COL6A2: variants seen among roughly 807,000 people sequenced by gnomAD.
COL6A2 encodes collagen type VI alpha 2 chain, also known as collagen alpha-2(VI) chain.
In COL6A2, 90 loss-of-function variants were observed where a neutral mutation model predicts 124.9. The ratio of observed to expected loss-of-function variants is 0.72; its 90% CI spans 0.61 to 0.86. The LOEUF is 0.86. COL6A2 is among the 40% of genes least tolerant of loss of function. COL6A2 has a pLI of 0.00. For synonymous variants in COL6A2, 793 were observed against 618.2 expected (o/e 1.28, Z -4.19); for missense variants, 1,607 against 1,502.5 (o/e 1.07, Z -1.15).
At chr21:46,130,532 A>G (rs1207839325) in intron 27 of COL6A2, among the ~76,000 whole-genome samples, 1 of 151,994 alleles carries the variant, frequency 6.6e-6, no homozygotes, top group Non-Finnish European at 1.5e-5. Flanking sequence ...GTGGGGATGA[A>G]GGATCCTCCA....
chr21:46,113,439 C>T (rs1040234255), intron 4 of COL6A2, among the ~76,000 whole-genome samples: 29 of 151,702 alleles, frequency 1.9e-4, no homozygotes, highest in African/African-American at 5.8e-4. Context: ...TGCAGTGGTA[C>T]GATCACGGCT....
chr21:46,125,649 G>A (rs754343812), intron 25 of COL6A2, 32 bp downstream of exon 25: 47 of 1,602,780 alleles, frequency 2.9e-5, no homozygotes, highest in East Asian at 1.1e-4. Flanking sequence ...GCAGCATTGC[G>A]GGGGGCCGGG....
In COL6A2 at chr21:46,132,518, G is replaced by T. The variant is rs1157175258; in HGVS notation, c.3026G>T (p.Gly1009Val). 2.0e-5 allele frequency: 32 copies of T among 1,606,240 alleles called. No individual in the cohort carries two copies. The highest frequency in any genetic ancestry group is 5.0e-5 in the Admixed American group (3 of 59,914). ...GACTATGACAGCCTGGCGCAACCCGGCTTCTTCGACCGCTTCATCCGCTGG... is the reference window on the plus strand; with the variant it reads ...GACTATGACAGCCTGGCGCAACCCGTCTTCTTCGACCGCTTCATCCGCTGG... ...EKDYDSLAQP[G>V]FFDRFIRWIC The change falls in exon 28 of 28, where the codon GGC becomes GTC. Residue 1009 changes from glycine to valine, a missense_variant. Physicochemically the swap from Gly to Val is moderately radical, Grantham distance 109 (BLOSUM62 -3). This residue lies in a region of COL6A2 where 1,223 missense variants were observed against 1,052.2 expected (regional missense o/e 1.16). Coordinates refer to ENST00000300527, the MANE Select transcript of COL6A2 (RefSeq NM_001849.4).
Position 46,116,528 on chromosome 21 carries a change from TTGGGGGCTCC to T in COL6A2, c.928-116_928-107del. ...GCCTGGTCTTTTCTCAGTGGTGGCT[TTGGGGGCTCC>T]TGGGGGGTCCTGTGGCCTTGAGTTT... On this transcript the variant is annotated intron_variant, in intron 8 of 27. Transcript: ENST00000300527. This position sits in a 1 kb window ranked among gnomAD's most constrained non-coding sequence, Gnocchi z 4.6. 10 of 1,576,782 alleles carry T rather than the reference TTGGGGGCTCC, an allele frequency of 6.3e-6. No individual in the cohort carries two copies. Among genetic ancestry groups the T allele is most frequent in the Non-Finnish European group, 8.7e-6 (10 of 1,151,480 alleles).
chr21:46,118,419 C>A (rs1048874176), intron 12 of COL6A2, among the ~76,000 whole-genome samples, 195 bp from the exon 13 acceptor site: 1 of 152,202 alleles, frequency 6.6e-6, no homozygotes, highest in Admixed American at 6.5e-5. Flanking sequence ...GCGTCCTGCC[C>A]GTGACACACA....
chr21:46,126,966 G>A (rs572477064), intron 27 of COL6A2, among the ~76,000 whole-genome samples: 1 of 152,250 alleles, frequency 6.6e-6, no homozygotes, highest in East Asian at 1.9e-4. Context: ...AGCACCAGCA[G>A]GTCTTGCTCC....
At chr21:46,130,179 A>C (rs182567837) in intron 27 of COL6A2, among the ~76,000 whole-genome samples, 40 of 152,288 alleles carry the variant, frequency 2.6e-4, no homozygotes, top group Non-Finnish European at 4.9e-4. Flanking sequence ...CAGTAGGGCG[A>C]ATGGCCACAG....
chr21:46,127,717 G>GCTAT, intron 27 of COL6A2, among the ~76,000 whole-genome samples: 1 of 103,954 alleles, frequency 9.6e-6, no homozygotes, highest in Non-Finnish European at 2.1e-5. Flanking sequence ...TGGGTGCTTT[G>GCTAT]CTATCAGGTG....
Position 46,116,832 on chromosome 21 carries a change from C to T in COL6A2, c.999+18C>T. On this transcript the variant is annotated intron_variant, in intron 10 of 27. Transcript: ENST00000300527. This position sits in a 1 kb window ranked among gnomAD's most constrained non-coding sequence, Gnocchi z 4.6. Reference sequence around the variant, plus strand: ...GACAGAAGGTAGAGGGAGCCTCGGGCTCACAGCTGGACTGGTCTCACAGAG... The same window carrying T: ...GACAGAAGGTAGAGGGAGCCTCGGGTTCACAGCTGGACTGGTCTCACAGAG... The T allele has an allele frequency of 2.5e-6, 4 of 1,612,646 alleles. No individual in the cohort carries two copies. Among genetic ancestry groups the T allele is most frequent in the Non-Finnish European group, 3.4e-6 (4 of 1,179,914 alleles).
intron 18 of COL6A2, 47 bp downstream of exon 18, chr21:46,121,665 TGCCTGAGGAGCAGGACAGGGGGCCG>T: frequency 6.3e-7 from 1 of 1,596,286 alleles, no homozygotes; most frequent in Non-Finnish European, 8.6e-7. Context: ...TCGGGGCAGC[TGCCTGAGGAGCAGGACAGGGGGCCG>T]GCCTGGGGGA....
At chr21:46,122,846 C>T (rs2078588234) in intron 20 of COL6A2, 29 bp from the exon 21 acceptor site, 4 of 1,607,218 alleles carry the variant, frequency 2.5e-6, no homozygotes, top group Admixed American at 3.3e-5. Context: ...GCTCCTCTGT[C>T]CCAGGCTAAC....
chr21:46,124,128 T>C (rs2078619255), intron 21 of COL6A2, among the ~76,000 whole-genome samples: 1 of 150,020 alleles, frequency 6.7e-6, no homozygotes, highest in Admixed American at 6.6e-5. Context: ...GGTGGGTGGA[T>C]GGATAGATGG....
intron 27 of COL6A2, among the ~76,000 whole-genome samples, chr21:46,126,880 C>T (rs767087091): frequency 2.0e-5 from 3 of 152,174 alleles, no homozygotes; most frequent in Non-Finnish European, 2.9e-5. Context: ...ATGGGCTGGC[C>T]GTGCATGTGC....
intron 1 of COL6A2, 51 bp from the exon 2 acceptor site, chr21:46,111,399 G>A (rs2078396039): frequency 1.9e-6 from 2 of 1,060,192 alleles, no homozygotes; most frequent in Non-Finnish European, 2.9e-6. Flanking sequence ...GGGGGAGGGT[G>A]CCAGGGGAGA....
intron 5 of COL6A2, among the ~76,000 whole-genome samples, chr21:46,115,647 G>A (rs1014292552): frequency 1.3e-5 from 2 of 152,174 alleles, no homozygotes; most frequent in Non-Finnish European, 2.9e-5. Flanking sequence ...TTTTGCAGGT[G>A]GCTTTGTGGG....
rs2078628651 is a variant in COL6A2, at chr21:46,124,535, TA to T, written c.1672-115del. ...GCCTTGTCTTACTCCTTGCACCTGT[TA>T]GCCCCCCCCCCCGCCAAGGGAGGAC... On this transcript the variant is annotated intron_variant, in intron 21 of 27. Coordinates refer to ENST00000300527, the MANE Select transcript of COL6A2 (RefSeq NM_001849.4). 8.7e-6 allele frequency: 7 copies of T among 804,248 alleles called. No individual in the cohort carries two copies. The East Asian group carries it at 1.6e-4, about 19-fold the overall frequency. 49.8% of individuals were successfully genotyped at this position (804,248 alleles called of 1,614,324 possible). A position where few individuals can be genotyped will look rare whatever the true frequency, so the allele number is the denominator to read the frequency against.
At chr21:46,127,955 G>A (rs1346896916) in intron 27 of COL6A2, among the ~76,000 whole-genome samples, 1 of 152,236 alleles carries the variant, frequency 6.6e-6, no homozygotes, top group African/African-American at 2.4e-5. Flanking sequence ...GCCGTGGTGT[G>A]TGGCCCTGTT....
intron 27 of COL6A2, chr21:46,129,913 C>T (rs979853499): frequency 1.3e-5 from 12 of 922,562 alleles, no homozygotes; most frequent in Admixed American, 5.3e-5. Context: ...GGCTGCCGTG[C>T]GTCTGGGATG....
At chr21:46,124,587 C>A in intron 21 of COL6A2, 64 bp from the exon 22 acceptor site, 1 of 1,517,624 alleles carries the variant, frequency 6.6e-7, no homozygotes, top group Non-Finnish European at 9.1e-7. Flanking sequence ...GCACAGGGGG[C>A]CCTGCTGTGT....
Sources: gnomAD v4.1 joint callset for allele counts (sites outside exome capture counted in the v4.1 genomes callset) on GRCh38, gnomAD v4.1.1 for gene constraint, gnomAD v4.1.1 regional missense constraint, Gnocchi (gnomAD v3.1) non-coding constraint, MANE v1.5 for transcripts, NCBI Gene and HGNC (gene_info 2026-07-23, HGNC 2026-07-21) for gene names.